The following GREB1L variants were observed in gnomAD, a reference collection of about 807,000 sequenced individuals.
GREB1L encodes the protein GREB1 like retinoic acid receptor coactivator, also known as GREB1-like protein.
In GREB1L, 17 loss-of-function variants were observed where a neutral mutation model predicts 200.8. The observed-to-expected ratio is 0.08, with a 90% CI of 0.06 to 0.13. The LOEUF is 0.13. GREB1L is among the 10% of genes least tolerant of loss of function. The probability of loss-of-function intolerance (pLI) is 1.00; values close to 1 mark genes in which losing one functional copy is unlikely to be tolerated. For missense variants in GREB1L, 1,657 were observed against 2,367.7 expected, an observed-to-expected ratio of 0.70 and a Z score of 6.23; for synonymous variants, 789 against 893.0, an observed-to-expected ratio of 0.88 and a Z score of 2.08.
intron 1 of GREB1L, among the ~76,000 whole-genome samples, chr18:21,247,244 G>A (rs2037620601): frequency 1.3e-5 from 2 of 152,148 alleles, no homozygotes; most frequent in South Asian, 4.1e-4. Flanking sequence ...CTTCAGTGCA[G>A]TTGTTTTTGA....
At position 21,523,401 on chromosome 18, in the gene GREB1L, A is replaced by T. The variant is rs1338689412; in HGVS notation, c.*580A>T. The T allele has an allele frequency of 6.6e-6, 1 of 152,222 alleles. No homozygotes were observed. The highest frequency in any genetic ancestry group is 2.4e-5 in the African/African-American group (1 of 41,464). 9.4% of individuals were successfully genotyped at this position (152,222 alleles called of 1,614,324 possible). A position where few individuals can be genotyped will look rare whatever the true frequency, so the allele number is the denominator to read the frequency against. On this transcript the variant is annotated 3_prime_UTR_variant, in exon 33 of 33. Transcript: ENST00000424526. ...GTTTAAGATTTATAATCTTCTATGT[A>T]TTGAAACTTTTGGCAAAATTTCCAC...
intron 15 of GREB1L, among the ~76,000 whole-genome samples, chr18:21,462,172 G>T (rs536823068): frequency 6.6e-6 from 1 of 152,346 alleles, no homozygotes; most frequent in Non-Finnish European, 1.5e-5. Flanking sequence ...AGTGCCGCAG[G>T]TGCGCCCTGC....
chr18:21,441,626 G>A, intron 10 of GREB1L, 89 bp downstream of exon 10: 5 of 1,164,922 alleles, frequency 4.3e-6, no homozygotes, highest in African/African-American at 1.6e-5. Flanking sequence ...TATTCATGAA[G>A]ATATTCATCC....
In GREB1L at chr18:21,495,667, T is replaced by C; in HGVS notation, c.3031-3T>C. The C allele has an allele frequency of 7.0e-7, 1 of 1,429,288 alleles. No homozygotes were observed. Among genetic ancestry groups the C allele is most frequent in the East Asian group, 2.5e-5 (1 of 40,264 alleles). The allele number at this position is 1,429,288 out of a possible 1,614,324, so 88.5% of individuals were successfully genotyped here. On this transcript the variant is annotated splice_polypyrimidine_tract_variant and splice_region_variant and intron_variant, in intron 19 of 32. Coordinates refer to ENST00000424526, the MANE Select transcript of GREB1L (RefSeq NM_001142966.3). ...ATTTTAACATACGGGTCTCTTTCTGTAGAGTTGGAGAGGAAATGAACCAGA... is the reference window on the plus strand; with the variant it reads ...ATTTTAACATACGGGTCTCTTTCTGCAGAGTTGGAGAGGAAATGAACCAGA...
intron 1 of GREB1L, among the ~76,000 whole-genome samples, chr18:21,272,579 A>G (rs1412419998): frequency 6.6e-6 from 1 of 152,198 alleles, no homozygotes; most frequent in Admixed American, 6.5e-5. Context: ...CTCTTTATCA[A>G]CGGTTAAAAT....
At chr18:21,262,153 T>C (rs919132503) in intron 1 of GREB1L, among the ~76,000 whole-genome samples, 1 of 152,160 alleles carries the variant, frequency 6.6e-6, no homozygotes, top group Non-Finnish European at 1.5e-5. Flanking sequence ...TTTATGAAAA[T>C]CCACTAGCAT....
chr18:21,396,758 G>C (rs1372346880), intron 5 of GREB1L, among the ~76,000 whole-genome samples: 1 of 152,092 alleles, frequency 6.6e-6, no homozygotes, highest in Non-Finnish European at 1.5e-5. Flanking sequence ...TGATATTAGA[G>C]TCTGGGCTTT....
intron 1 of GREB1L, among the ~76,000 whole-genome samples, chr18:21,253,405 C>T (rs2037745967): frequency 6.6e-6 from 1 of 151,980 alleles, no homozygotes. Flanking sequence ...CATGTGCCAC[C>T]ATGCCTGGCT....
chr18:21,507,515 A>G (rs2037063686), intron 25 of GREB1L, among the ~76,000 whole-genome samples: 1 of 152,224 alleles, frequency 6.6e-6, no homozygotes, highest in South Asian at 2.1e-4. Context: ...TCACTGAGAT[A>G]GGTTACTGAA....
intron 23 of GREB1L, among the ~76,000 whole-genome samples, chr18:21,503,048 G>C (rs181266518): frequency 6.6e-6 from 1 of 152,138 alleles, no homozygotes; most frequent in Non-Finnish European, 1.5e-5. Flanking sequence ...AGGCTTGAAA[G>C]TGCAGACTTT....
At chr18:21,320,935 A>G (rs1235849820) in intron 1 of GREB1L, among the ~76,000 whole-genome samples, 4 of 152,192 alleles carry the variant, frequency 2.6e-5, no homozygotes, top group East Asian at 3.8e-4. Flanking sequence ...CATATGGAAA[A>G]CAAGTCTGAT....
intron 7 of GREB1L, among the ~76,000 whole-genome samples, chr18:21,438,031 A>C (rs1408855448): frequency 6.6e-6 from 1 of 152,192 alleles, no homozygotes; most frequent in Non-Finnish European, 1.5e-5. Flanking sequence ...CTATAATTTC[A>C]GCACTTTGGG....
rs2040414933 is a variant in GREB1L at position 21,383,608 on chromosome 18, T to G, written c.90T>G (p.Ser30Arg). ...NSIEASLRCS[S>R]VVPRPIFSQL... The stretch of plus-strand genomic sequence containing the variant: ...TAGAAGCCTCCCTCAGATGTAGTAG[T>G]GTGGTACCACGGCCAATTTTTTCCC... Residue 30 changes from serine to arginine, a missense_variant, in exon 3 of 33, where the codon AGT becomes AGG. By Grantham distance (110) the Ser-to-Arg change is moderately radical (BLOSUM62 -1). This residue lies in a region of GREB1L where 121 missense variants were observed against 126.6 expected (regional missense o/e 0.96). Coordinates refer to ENST00000424526, the MANE Select transcript of GREB1L (RefSeq NM_001142966.3). 6.4e-7 allele frequency: 1 copy of G among 1,551,254 alleles called. No individual in the cohort carries two copies. The highest frequency in any genetic ancestry group is 1.4e-5 in the African/African-American group (1 of 73,020).
At chr18:21,476,746 A>T (rs2035717044) in intron 16 of GREB1L, among the ~76,000 whole-genome samples, 1 of 144,864 alleles carries the variant, frequency 6.9e-6, no homozygotes, top group Admixed American at 6.9e-5. Flanking sequence ...TTTTTTTTGT[A>T]TTTTTTTTTT....
At chr18:21,444,533 C>T in intron 11 of GREB1L, 124 bp downstream of exon 11, 4 of 791,458 alleles carry the variant, frequency 5.1e-6, no homozygotes, top group Non-Finnish European at 8.0e-6. Context: ...TTCTAATGTT[C>T]TTTCCCTTCA....
At chr18:21,384,136 C>CTT in intron 3 of GREB1L, 70 bp from the exon 4 acceptor site, 1 of 1,076,908 alleles carries the variant, frequency 9.3e-7, no homozygotes. Flanking sequence ...TCAATTATGT[C>CTT]TTTCAGAACT....
chr18:21,305,038 G>T (rs2038678771), intron 1 of GREB1L, among the ~76,000 whole-genome samples: 2 of 151,786 alleles, frequency 1.3e-5, no homozygotes, highest in Non-Finnish European at 2.9e-5. Context: ...GAGTGCAGTG[G>T]CACGGTCTTG....
rs757457093 is a variant in GREB1L, at chr18:21,477,367, T to C, written c.2556+11T>C. On this transcript the variant is annotated intron_variant, in intron 17 of 32. Transcript: ENST00000424526. ...CAGCTGGATACTGGGGTGAGTCTCT[T>C]GCCTGCTGTCTGATACACTGTCATG... The C allele has an allele frequency of 5.2e-6, 8 of 1,534,310 alleles. No individual in the cohort carries two copies. The highest frequency in any genetic ancestry group is 6.2e-6 in the Non-Finnish European group (7 of 1,135,166).
chr18:21,508,105 T>C lies in GREB1L; in HGVS notation c.4369-13T>C, dbSNP rs548674965. 154 of 1,550,902 alleles carry C rather than the reference T, an allele frequency of 9.9e-5. No homozygotes were observed. Among genetic ancestry groups the C allele is most frequent in the Middle Eastern group, 3.3e-4 (2 of 6,014 alleles). On this transcript the variant is annotated splice_polypyrimidine_tract_variant and intron_variant, in intron 25 of 32. Coordinates refer to ENST00000424526, the MANE Select transcript of GREB1L (RefSeq NM_001142966.3). ...TTACTTACGTTCCCTCCCTTTCTTC[T>C]TTGCAAATGTAGATGTCTGACTCCA...
Sources: allele counts gnomAD v4.1 joint callset (sites outside exome capture counted in the v4.1 genomes callset), GRCh38; gene constraint gnomAD v4.1.1; regional missense constraint gnomAD v4.1.1; transcripts MANE v1.5; gene names NCBI Gene and HGNC (gene_info 2026-07-23, HGNC 2026-07-21).